Variants in RCAN1 observed in about 807,000 individuals in gnomAD.
RCAN1 encodes regulator of calcineurin 1, also known as calcipressin-1.
A neutral mutation model predicts 22.9 loss-of-function variants in RCAN1; 11 were observed. The observed-to-expected ratio is 0.48, with a 90% CI of 0.30 to 0.79. RCAN1 has a LOEUF of 0.79. Ranked by LOEUF, RCAN1 falls within the 30% of genes least tolerant of loss-of-function variation. The pLI is 0.06. For synonymous variants in RCAN1, 136 were observed against 142.3 expected, an observed-to-expected ratio of 0.96 and a Z score of 0.32; for missense variants, 291 against 337.8, an observed-to-expected ratio of 0.86 and a Z score of 1.09.
At chr21:34,551,448 A>T (rs1986363457) in intron 1 of RCAN1, among the ~76,000 whole-genome samples, 1 of 152,226 alleles carries the variant, frequency 6.6e-6, no homozygotes, top group African/African-American at 2.4e-5. Flanking sequence ...AACCAATTAA[A>T]TATTTAACCT....
Position 34,614,340 on chromosome 21 carries a change from G to T in RCAN1, c.252+420C>A, listed in dbSNP as rs1326267070. On this transcript the variant is annotated intron_variant, in intron 1 of 3. Transcript: ENST00000313806. This position sits in a 1 kb window ranked among gnomAD's most constrained non-coding sequence, Gnocchi z 6.0. ...AATGCAGGGACGTCGTCCTATTTAT[G>T]AACACTGAGTCACGTCGCCGCTCAA... 2 of 990,604 alleles carry T rather than the reference G, an allele frequency of 2.0e-6. No homozygotes were observed. The highest frequency in any genetic ancestry group is 3.5e-5 in the African/African-American group (2 of 57,614). The allele number at this position is 990,604 out of a possible 1,614,324, so 61.4% of individuals were successfully genotyped here. A position where few individuals can be genotyped will look rare whatever the true frequency, so the allele number is the denominator to read the frequency against.
At chr21:34,554,420 G>A (rs1198749418) in intron 1 of RCAN1, among the ~76,000 whole-genome samples, 3 of 152,176 alleles carry the variant, frequency 2.0e-5, no homozygotes, top group Non-Finnish European at 4.4e-5. Context: ...TACATCTGGA[G>A]GCTGGGGTAA....
At chr21:34,601,262 G>A (rs1988330662) in intron 1 of RCAN1, among the ~76,000 whole-genome samples, 2 of 152,172 alleles carry the variant, frequency 1.3e-5, no homozygotes, top group African/African-American at 2.4e-5. Flanking sequence ...TACTTACTAT[G>A]AGCCTGATAT....
At chr21:34,605,856 G>A (rs551800870) in intron 1 of RCAN1, among the ~76,000 whole-genome samples, 1 of 150,112 alleles carries the variant, frequency 6.7e-6, no homozygotes, top group East Asian at 2.0e-4. Flanking sequence ...GGAAGCAGAG[G>A]TTGCAGTGAG....
Position 34,614,467 on chromosome 21 carries a change from G to A in RCAN1, c.252+293C>T. 1 of 1,022,140 alleles carries A rather than the reference G, an allele frequency of 9.8e-7. No homozygotes were observed. Among genetic ancestry groups the A allele is most frequent in the Non-Finnish European group, 1.2e-6 (1 of 854,692 alleles). The allele number at this position is 1,022,140 out of a possible 1,614,324, so 63.3% of individuals were successfully genotyped here. On this transcript the variant is annotated intron_variant, in intron 1 of 3. Transcript: ENST00000313806. The surrounding 1 kb of genome is among the most constrained non-coding windows in gnomAD (Gnocchi z 6.0). ...GGGGGCGGCGGCGCTGCCCCACCTT[G>A]GGGAGCGAATTCACCCCCCTAGTCG... is the stretch of plus-strand genomic sequence containing the variant.
chr21:34,520,583 T>C (rs566137325), intron 3 of RCAN1, among the ~76,000 whole-genome samples: 2 of 152,254 alleles, frequency 1.3e-5, no homozygotes, highest in South Asian at 4.1e-4. Context: ...CAAGGGAACA[T>C]CAGATTGCTG....
At chr21:34,579,654 T>C (rs1987535745) in intron 1 of RCAN1, among the ~76,000 whole-genome samples, 1 of 152,210 alleles carries the variant, frequency 6.6e-6, no homozygotes, top group African/African-American at 2.4e-5. Flanking sequence ...TACAGTTGCA[T>C]CACTCAGACA....
intron 1 of RCAN1, among the ~76,000 whole-genome samples, chr21:34,605,209 T>C (rs138722624): frequency 0.013 from 1,983 of 152,312 alleles, 23 homozygotes; most frequent in Non-Finnish European, 0.019. Context: ...GGCAGAAGAA[T>C]GTGAAAAGAC....
At chr21:34,525,112 G>A in intron 1 of RCAN1, 1 of 1,550,610 alleles carries the variant, frequency 6.4e-7, no homozygotes, top group Non-Finnish European at 8.7e-7. Context: ...GGAAGGCGCA[G>A]TGTCTCTGCA....
intron 1 of RCAN1, among the ~76,000 whole-genome samples, chr21:34,603,383 T>C (rs199965219): frequency 2.5e-5 from 2 of 79,140 alleles, no homozygotes; most frequent in Admixed American, 3.1e-4. Flanking sequence ...ACTCCCGAAG[T>C]CCCCCGGTTT....
At chr21:34,592,778 A>G (rs1437393913) in intron 1 of RCAN1, among the ~76,000 whole-genome samples, 1 of 152,212 alleles carries the variant, frequency 6.6e-6, no homozygotes, top group Non-Finnish European at 1.5e-5. Flanking sequence ...GTTTCTGGCC[A>G]GATTTTCCTA....
intron 1 of RCAN1, among the ~76,000 whole-genome samples, chr21:34,598,077 G>A (rs907553094): frequency 2.0e-5 from 3 of 152,254 alleles, no homozygotes; most frequent in Non-Finnish European, 4.4e-5. Context: ...AGGAACCTAG[G>A]ATGTAAAGAC....
intron 1 of RCAN1, among the ~76,000 whole-genome samples, chr21:34,549,780 T>A (rs1225575976): frequency 6.6e-6 from 1 of 152,138 alleles, no homozygotes; most frequent in East Asian, 1.9e-4. Flanking sequence ...GCCAACATTA[T>A]CAGTTTATTC....
At chr21:34,601,257 A>C (rs1235274663) in intron 1 of RCAN1, among the ~76,000 whole-genome samples, 1 of 152,202 alleles carries the variant, frequency 6.6e-6, no homozygotes, top group Non-Finnish European at 1.5e-5. Context: ...CTAAATACTT[A>C]CTATGAGCCT....
At chr21:34,578,189 TTC>T (rs1451409723) in intron 1 of RCAN1, among the ~76,000 whole-genome samples, 1 of 152,224 alleles carries the variant, frequency 6.6e-6, no homozygotes, top group African/African-American at 2.4e-5. Flanking sequence ...AGATCTTATA[TTC>T]TCCTTGACCC....
chr21:34,524,979 T>C, intron 1 of RCAN1: 4 of 1,492,670 alleles, frequency 2.7e-6, no homozygotes, highest in Non-Finnish European at 3.6e-6. Flanking sequence ...GCAAAAACAC[T>C]TAGGACAGTT....
chr21:34,604,535 T>A (rs1988464159), intron 1 of RCAN1, among the ~76,000 whole-genome samples: 1 of 152,192 alleles, frequency 6.6e-6, no homozygotes, highest in East Asian at 1.9e-4. Flanking sequence ...GTGACTGAAA[T>A]GTACCTCCTC....
intron 1 of RCAN1, among the ~76,000 whole-genome samples, chr21:34,543,444 G>C (rs145139499): frequency 5.8e-4 from 89 of 152,326 alleles, no homozygotes; most frequent in African/African-American, 2.0e-3. Context: ...CAACGAAACG[G>C]ATTTTGCCCT....
intron 1 of RCAN1, among the ~76,000 whole-genome samples, chr21:34,577,224 A>G (rs1273570045): frequency 2.0e-5 from 3 of 152,264 alleles, no homozygotes; most frequent in Non-Finnish European, 4.4e-5. Flanking sequence ...GATTTTGAAC[A>G]TTACCTTATG....
Sources: allele counts gnomAD v4.1 joint callset (sites outside exome capture counted in the v4.1 genomes callset), GRCh38; gene constraint gnomAD v4.1.1; non-coding constraint Gnocchi (gnomAD v3.1); transcripts MANE v1.5; gene names NCBI Gene and HGNC (gene_info 2026-07-23, HGNC 2026-07-21).